DMD: variants seen among roughly 807,000 people sequenced by gnomAD.
DMD encodes the protein mutant dystrophin.
Under a neutral mutation model 330.1 loss-of-function variants are expected in DMD, and 63 were observed. The observed-to-expected ratio is 0.19, with a 90% confidence interval of 0.16 to 0.24. DMD has a LOEUF of 0.24. DMD is among the 10% of genes least tolerant of loss of function. The pLI is 1.00. For synonymous variants in DMD, 1,223 were observed against 959.8 expected, an observed-to-expected ratio of 1.27 and a Z score of -5.07; for missense variants, 3,344 against 2,684.1, an observed-to-expected ratio of 1.25 and a Z score of -5.43.
chrX:32,340,107 T>C (rs908417595), intron 41 of DMD, among the ~76,000 whole-genome samples: 1 of 111,832 alleles, frequency 8.9e-6, no homozygotes, highest in African/African-American at 3.2e-5. Context: ...TGAATATTTC[T>C]ACACCCACCT....
chrX:31,530,001 C>T (rs970257769), intron 55 of DMD, among the ~76,000 whole-genome samples: 1 of 111,405 alleles, frequency 9.0e-6, no homozygotes, highest in Non-Finnish European at 1.9e-5. Context: ...CTGCATCTGT[C>T]GGTAATGCAA....
rs73621861 is a variant in DMD at position 33,013,601 on chromosome X, T to G, written c.93+6538A>C. ...TCCATGGCACAATAGCTCTGCTCGA[T>G]TACTTCTGTTAAAGCAGGCACATTG... On this transcript the variant is annotated intron_variant, in intron 2 of 78. Coordinates refer to ENST00000357033, the MANE Select transcript of DMD (RefSeq NM_004006.3). Among the ~76,000 whole-genome samples the G allele has an allele frequency of 7.7e-3, 858 of 112,149 alleles. 12 individuals carry two copies. The highest frequency in any genetic ancestry group is 0.026 in the African/African-American group (804 of 30,967).
rs142557113 is a variant in DMD at position 32,969,321 on chromosome X, C to G, written c.93+50818G>C. Among the ~76,000 whole-genome samples the G allele has an allele frequency of 4.9e-3, 429 of 86,871 alleles. 37 individuals are homozygous for G. The highest frequency in any genetic ancestry group is 6.6e-3 in the Non-Finnish European group (309 of 46,725). The allele number at this position is 86,871 out of a possible 115,157, so 75.4% of individuals were successfully genotyped here. Reference sequence around the variant, plus strand: ...AATAACATATAAATTAACAAAAATTCTCTCACGTGCTACCACATACATAGA... The same window carrying G: ...AATAACATATAAATTAACAAAAATTGTCTCACGTGCTACCACATACATAGA... On this transcript the variant is annotated intron_variant, in intron 2 of 78. Transcript: ENST00000357033.
At chrX:31,588,294 G>A (rs1312437345) in intron 55 of DMD, among the ~76,000 whole-genome samples, 1 of 111,231 alleles carries the variant, frequency 9.0e-6, no homozygotes, top group African/African-American at 3.3e-5. Context: ...TGGATTTGTT[G>A]GATTGCTTTT....
At chrX:31,597,176 G>A (rs893058380) in intron 55 of DMD, among the ~76,000 whole-genome samples, 21 of 111,530 alleles carry the variant, frequency 1.9e-4, no homozygotes, top group Non-Finnish European at 3.2e-4. Context: ...CTTTTGTGAC[G>A]CTTACAATCT....
chrX:32,282,929 C>T (rs1222267938), intron 43 of DMD, among the ~76,000 whole-genome samples: 1 of 112,061 alleles, frequency 8.9e-6, no homozygotes, highest in East Asian at 2.8e-4. Flanking sequence ...CAAATATTAA[C>T]ATCTCTCCCC....
intron 76 of DMD, among the ~76,000 whole-genome samples, chrX:31,145,243 C>T (rs2036541991): frequency 8.9e-6 from 1 of 112,002 alleles, no homozygotes; most frequent in Non-Finnish European, 1.9e-5. Flanking sequence ...TTTATAGTGA[C>T]CCAATGGACT....
chrX:31,510,806 G>A (rs982881770), intron 55 of DMD, among the ~76,000 whole-genome samples: 1 of 110,848 alleles, frequency 9.0e-6, no homozygotes, highest in African/African-American at 3.3e-5. Context: ...ACCACACCTG[G>A]CCCTGATTGC....
intron 60 of DMD, among the ~76,000 whole-genome samples, chrX:31,432,438 G>C (rs2064157841): frequency 8.9e-6 from 1 of 112,232 alleles, no homozygotes; most frequent in South Asian, 3.7e-4. Context: ...GTTTAGAAAG[G>C]TTTCATAGAG....
chrX:32,559,673 AAAG>A (rs1226473180), intron 16 of DMD, among the ~76,000 whole-genome samples: 1 of 111,989 alleles, frequency 8.9e-6, no homozygotes, highest in Non-Finnish European at 1.9e-5. Flanking sequence ...TTAACTCAGA[AAAG>A]AAGAACATGT....
chrX:31,539,206 G>A (rs1055808867), intron 55 of DMD, among the ~76,000 whole-genome samples: 8 of 111,641 alleles, frequency 7.2e-5, no homozygotes, highest in African/African-American at 2.6e-4. Context: ...TCTTTCAGGG[G>A]TAAACGAGAC....
At chrX:32,408,321 C>G (rs1248972341) in intron 30 of DMD, among the ~76,000 whole-genome samples, 10 of 111,492 alleles carry the variant, frequency 9.0e-5, no homozygotes, top group African/African-American at 2.6e-4. Context: ...AGAGAAATAA[C>G]TGATCAATTA....
chrX:31,956,483 T>G (rs763886798), intron 45 of DMD, among the ~76,000 whole-genome samples: 3 of 110,699 alleles, frequency 2.7e-5, no homozygotes, highest in Non-Finnish European at 5.7e-5. Flanking sequence ...AAGCAAGGAG[T>G]GTCATCAATA....
rs950106546 is a variant in DMD, at chrX:33,105,429, G to C, written c.32-85229C>G. On this transcript the variant is annotated intron_variant, in intron 1 of 78. Transcript: ENST00000357033. ...CAACAAAAATAAAAATAAACAAATG[G>C]GATCTAAGTAAACTAAAAAGCTTCT... is the stretch of plus-strand genomic sequence containing the variant. Among the ~76,000 whole-genome samples the C allele has an allele frequency of 2.7e-5, 3 of 111,302 alleles. No individual in the cohort carries two copies. In the East Asian group the frequency reaches 8.5e-4, roughly 31 times the overall value.
chrX:32,132,993 C>CTTTTCTTTTTTTTTTTTTTTTT (rs2096705124), intron 44 of DMD, among the ~76,000 whole-genome samples: 11 of 75,971 alleles, frequency 1.4e-4, no homozygotes, highest in African/African-American at 7.6e-4. Context: ...CTTTTCTTTT[C>CTTTTCTTTTTTTTTTTTTTTTT]TTTTTTTTTT....
At chrX:32,118,302 G>A (rs908279430) in intron 44 of DMD, among the ~76,000 whole-genome samples, 23 of 111,529 alleles carry the variant, frequency 2.1e-4, no homozygotes, top group Non-Finnish European at 4.3e-4. Context: ...TTTCAATTAT[G>A]CAGAGAAAAA....
chrX:31,552,954 A>G, intron 55 of DMD, among the ~76,000 whole-genome samples: 1 of 112,131 alleles, frequency 8.9e-6, no homozygotes, highest in Non-Finnish European at 1.9e-5. Context: ...TATGGAAAGA[A>G]GGAAGCAAGC....
chrX:32,397,481 C>G (rs2098053303), intron 30 of DMD, among the ~76,000 whole-genome samples: 1 of 111,520 alleles, frequency 9.0e-6, no homozygotes, highest in Non-Finnish European at 1.9e-5. Context: ...TAATATAAAG[C>G]AAATTATATC....
intron 71 of DMD, among the ~76,000 whole-genome samples, chrX:31,174,906 T>G (rs780021795): frequency 9.0e-6 from 1 of 111,496 alleles, no homozygotes; most frequent in Non-Finnish European, 1.9e-5. Context: ...AGGTCAAGTG[T>G]AATCATAATC....
Sources: allele counts gnomAD v4.1 joint callset (sites outside exome capture counted in the v4.1 genomes callset), GRCh38; gene constraint gnomAD v4.1.1; transcripts MANE v1.5; gene names NCBI Gene and HGNC (gene_info 2026-07-23, HGNC 2026-07-21).